Variants in SFMBT2 observed in about 807,000 individuals in gnomAD.
SFMBT2 encodes the protein scm-like with four MBT domains protein 2.
Under a neutral mutation model 110.1 loss-of-function variants are expected in SFMBT2, and 38 were observed. The ratio of observed to expected loss-of-function variants is 0.35; its 90% CI spans 0.27 to 0.45. The LOEUF (loss-of-function observed/expected upper bound fraction) is 0.45, where lower values mean the gene tolerates loss of function less well. SFMBT2 is among the 20% of genes least tolerant of loss of function. The pLI is 1.00. For synonymous variants in SFMBT2, 425 were observed against 425.4 expected (o/e 1.00, Z 0.01); for missense variants, 1,011 against 1,094.9 (o/e 0.92, Z 1.08).
rs138247397 is a variant in SFMBT2 at position 7,388,483 on chromosome 10, G to A, written c.-51-6534C>T. ...AGCAATTCTCCTGCCTCAGTCTCCC[G>A]AGTAGCTGGGATTACAGGTGCACCT... On this transcript the variant is annotated intron_variant, in intron 1 of 20. Transcript: ENST00000397167. Among the ~76,000 whole-genome samples the A allele has an allele frequency of 9.2e-3, 1,374 of 149,586 alleles. 14 individuals are homozygous for A. Among genetic ancestry groups the A allele is most frequent in the African/African-American group, 0.028 (1,155 of 40,614 alleles).
Position 7,285,965 on chromosome 10 carries a change from A to G in SFMBT2, c.437-11T>C. 1 of 868,728 alleles carries G rather than the reference A, an allele frequency of 1.2e-6. No homozygotes were observed. The highest frequency in any genetic ancestry group is 1.3e-5 in the South Asian group (1 of 75,776). 53.8% of individuals were successfully genotyped at this position (868,728 alleles called of 1,614,324 possible). ...ACTTCTCTTTGATTGCTGGCAAGAC[A>G]AAGGAGAAAGAAAAACAAAACAAAA... On this transcript the variant is annotated splice_polypyrimidine_tract_variant and intron_variant, in intron 4 of 20. Transcript: ENST00000397167.
chr10:7,187,940 C>T (rs965847060), intron 16 of SFMBT2, among the ~76,000 whole-genome samples: 27 of 152,186 alleles, frequency 1.8e-4, no homozygotes, highest in African/African-American at 6.3e-4. Context: ...TCCTCTCAAG[C>T]ACTCTAAACA....
chr10:7,303,008 T>C (rs932258930), intron 4 of SFMBT2, among the ~76,000 whole-genome samples: 10 of 90,744 alleles, frequency 1.1e-4, no homozygotes, highest in Admixed American at 4.9e-4. Context: ...AGGGTTACAA[T>C]GTTAAAAAAA....
chr10:7,343,641 T>A (rs572350238), intron 4 of SFMBT2, among the ~76,000 whole-genome samples: 43 of 152,372 alleles, frequency 2.8e-4, no homozygotes, highest in Non-Finnish European at 2.8e-4. Context: ...TAATAATTAA[T>A]GATATTGAGC....
intron 8 of SFMBT2, among the ~76,000 whole-genome samples, chr10:7,245,567 C>T (rs915837284): frequency 6.6e-6 from 1 of 152,230 alleles, no homozygotes; most frequent in African/African-American, 2.4e-5. Context: ...ACCCACAGGA[C>T]TCAGAACTAA....
At chr10:7,176,853 G>T (rs745765690) in intron 16 of SFMBT2, among the ~76,000 whole-genome samples, 1 of 152,134 alleles carries the variant, frequency 6.6e-6, no homozygotes, top group Non-Finnish European at 1.5e-5. Context: ...GACACTGGCA[G>T]CAAGTGGCTT....
At chr10:7,385,795 C>A (rs537316939) in intron 1 of SFMBT2, among the ~76,000 whole-genome samples, 3 of 152,092 alleles carry the variant, frequency 2.0e-5, no homozygotes, top group Non-Finnish European at 2.9e-5. Context: ...GTCAGGAGAT[C>A]AAGACCATCC....
chr10:7,370,722 G>C, intron 2 of SFMBT2: 1 of 484,256 alleles, frequency 2.1e-6, no homozygotes, highest in Non-Finnish European at 2.7e-6. Flanking sequence ...AGGGAGGCTG[G>C]AGGACAAGGC....
intron 9 of SFMBT2, among the ~76,000 whole-genome samples, chr10:7,242,593 GA>G (rs1840468992): frequency 6.6e-6 from 1 of 152,192 alleles, no homozygotes; most frequent in African/African-American, 2.4e-5. Flanking sequence ...GTTGAAAGCT[GA>G]AATGGAAATA....
chr10:7,249,433 G>A (rs1249081043), intron 7 of SFMBT2: 2 of 785,012 alleles, frequency 2.5e-6, no homozygotes, highest in Non-Finnish European at 3.1e-6. Context: ...CGGAGATGGA[G>A]GTCACCTCAT....
chr10:7,176,003 G>T lies in SFMBT2; in HGVS notation c.1971C>A (p.Thr657=). The change falls in exon 17 of 21, where the codon ACC becomes ACA. Residue 657 remains threonine (T), a synonymous_variant. Coordinates refer to ENST00000397167, the MANE Select transcript of SFMBT2 (RefSeq NM_001387889.1). ...ATTTGTACTTACTGTATTTGGTTTT[G>T]GTATGAATGGAGCAGTTCTCTGGGC... ...ENCPENCSIH[T]KTKYTYYYGK... is the part of the protein sequence containing the mutation. 6.2e-7 allele frequency: 1 copy of T among 1,613,616 alleles called. No individual in the cohort carries two copies. Among genetic ancestry groups the T allele is most frequent in the Non-Finnish European group, 8.5e-7 (1 of 1,179,612 alleles).
Position 7,370,392 on chromosome 10 carries a change from G to T in SFMBT2, c.101-17C>A. On this transcript the variant is annotated splice_polypyrimidine_tract_variant and intron_variant, in intron 2 of 20. Transcript: ENST00000397167. ...AGCCTTCTTCTGTTGAAAAACAAAA[G>T]AACAGAATATCAATACTGGAGTGGA... 6.2e-7 allele frequency: 1 copy of T among 1,603,812 alleles called. No homozygotes were observed. The highest frequency in any genetic ancestry group is 8.5e-7 in the Non-Finnish European group (1 of 1,170,798).
chr10:7,171,148 G>A lies in SFMBT2; in HGVS notation c.2416-92C>T, dbSNP rs12259317. On this transcript the variant is annotated intron_variant, in intron 19 of 20. Coordinates refer to ENST00000397167, the MANE Select transcript of SFMBT2 (RefSeq NM_001387889.1). The surrounding 1 kb of genome is among the most constrained non-coding windows in gnomAD (Gnocchi z 4.9). ...CTCCAGGCCTCGGCCGTTCCTGGCC[G>A]GAAGCCACTGCCTCCCTTTGCTCCC... 7.6e-3 allele frequency: 12,035 copies of A among 1,585,356 alleles called. 498 individuals are homozygous for A. The African/African-American group carries it at 0.11, about 14-fold the overall frequency.
At position 7,163,123 on chromosome 10, in the gene SFMBT2, CAACAAACA is replaced by C. The variant is rs59930811; in HGVS notation, c.*639_*646del. On this transcript the variant is annotated 3_prime_UTR_variant, in exon 21 of 21. Transcript: ENST00000397167. This position sits in a 1 kb window ranked among gnomAD's most constrained non-coding sequence, Gnocchi z 4.8. ...GTCTCAAAAAACACAACAAAATGAA[CAACAAACA>C]AACAAACAAACAAACAAACCATCTA... 291 of 160,744 alleles carry C rather than the reference CAACAAACA, an allele frequency of 1.8e-3. 2 individuals carry two copies. Among genetic ancestry groups the C allele is most frequent in the Middle Eastern group, 3.1e-3 (1 of 324 alleles). 10.0% of individuals were successfully genotyped at this position (160,744 alleles called of 1,614,324 possible).
chr10:7,268,555 G>A (rs1162407530), intron 7 of SFMBT2, among the ~76,000 whole-genome samples: 1 of 151,796 alleles, frequency 6.6e-6, no homozygotes, highest in African/African-American at 2.4e-5. Context: ...CTGTCGCCCA[G>A]GCTGGAGTGC....
chr10:7,403,134 T>C (rs1444126218), intron 1 of SFMBT2, among the ~76,000 whole-genome samples: 1 of 152,190 alleles, frequency 6.6e-6, no homozygotes, highest in African/African-American at 2.4e-5. Flanking sequence ...AACAGTAATG[T>C]AAGCTTCATT....
chr10:7,292,942 G>A lies in SFMBT2; in HGVS notation c.437-6988C>T, dbSNP rs777801325. Among the ~76,000 whole-genome samples the A allele has an allele frequency of 3.3e-5, 5 of 152,146 alleles. No individual in the cohort carries two copies. In the South Asian group the frequency reaches 1.0e-3, roughly 32 times the overall value. ...TGGAAGGATGCAGTGAGCCGAGATC[G>A]TGCCACTGTACTCCAGGCTGGGTGA... On this transcript the variant is annotated intron_variant, in intron 4 of 20. Transcript: ENST00000397167.
intron 4 of SFMBT2, among the ~76,000 whole-genome samples, chr10:7,333,392 C>CTTT (rs58271261): frequency 1.4e-5 from 2 of 138,494 alleles, no homozygotes; most frequent in African/African-American, 2.7e-5. Context: ...TGAGGCTTAC[C>CTTT]TTTTTTTTTT....
At chr10:7,332,332 A>C (rs1843586724) in intron 4 of SFMBT2, among the ~76,000 whole-genome samples, 2 of 152,224 alleles carry the variant, frequency 1.3e-5, no homozygotes, top group African/African-American at 4.8e-5. Flanking sequence ...ATGTGTGTTA[A>C]TAAGACAAAA....
Sources: gnomAD v4.1 joint callset for allele counts (sites outside exome capture counted in the v4.1 genomes callset) on GRCh38, gnomAD v4.1.1 for gene constraint, Gnocchi (gnomAD v3.1) non-coding constraint, MANE v1.5 for transcripts, NCBI Gene and HGNC (gene_info 2026-07-23, HGNC 2026-07-21) for gene names.